Variants in UFSP2 observed in about 807,000 individuals in gnomAD.
UFSP2 encodes the protein ufm1-specific protease 2.
UFSP2 carries 43 observed loss-of-function variants against 60.2 expected under a neutral mutation model. That is an observed-to-expected ratio of 0.71 (90% confidence interval 0.56 to 0.92). UFSP2 has a LOEUF of 0.92. UFSP2 is among the 40% of genes least tolerant of loss of function. The pLI is 0.00. For synonymous variants in UFSP2, 183 were observed against 195.1 expected (o/e 0.94, Z 0.52); for missense variants, 520 against 575.0 (o/e 0.90, Z 0.98).
chr4:185,425,810 C>T, intron 1 of UFSP2, 56 bp downstream of exon 1: 2 of 1,583,166 alleles, frequency 1.3e-6, no homozygotes, highest in South Asian at 2.3e-5. Flanking sequence ...CCGCTCGTGG[C>T]GGCTGCCAAA....
At chr4:185,406,463 G>A (rs1055274277) in intron 9 of UFSP2, among the ~76,000 whole-genome samples, 1 of 152,148 alleles carries the variant, frequency 6.6e-6, no homozygotes, top group Non-Finnish European at 1.5e-5. Flanking sequence ...TTGGGGGAAG[G>A]TGCCCGGTGG....
At chr4:185,416,012 G>T in intron 4 of UFSP2, 145 bp from the exon 5 acceptor site, 1 of 600,268 alleles carries the variant, frequency 1.7e-6, no homozygotes, top group Non-Finnish European at 2.7e-6. Flanking sequence ...GGGGGAAAGA[G>T]TAGAGAACAA....
At position 185,399,816 on chromosome 4, in the gene UFSP2, C is replaced by T. The variant is rs201136869; in HGVS notation, c.*576G>A. ...GCTGCTTTTTTCCTCCCGCAGTGAT[C>T]TCTTGTTTGCATAGCATTTATTATT... On this transcript the variant is annotated 3_prime_UTR_variant, in exon 12 of 12. Transcript: ENST00000264689. 9 of 1,610,334 alleles carry T rather than the reference C, an allele frequency of 5.6e-6. No individual in the cohort carries two copies. In the East Asian group the frequency reaches 2.0e-4, roughly 36 times the overall value.
intron 11 of UFSP2, among the ~76,000 whole-genome samples, chr4:185,401,941 C>T (rs899881894): frequency 6.6e-6 from 1 of 152,130 alleles, no homozygotes; most frequent in African/African-American, 2.4e-5. Context: ...AATCGAAATG[C>T]CTGGTTCACA....
In UFSP2 at chr4:185,408,010, T is replaced by C; in HGVS notation, c.1047A>G (p.Gln349=). 1.2e-6 allele frequency: 2 copies of C among 1,614,114 alleles called. No homozygotes were observed. Among genetic ancestry groups the C allele is most frequent in the East Asian group, 2.2e-5 (1 of 44,876 alleles). Residue 349 remains glutamine (Q), a synonymous_variant, in exon 9 of 12, where the codon CAA becomes CAG. Transcript: ENST00000264689. ...DKPATFVGSR[Q]WIGSIEVQLV... ...GCTGCACCTCAATAGATCCAATCCA[T>C]TGCCGCGATCCGACAAATGTTGCTG...
intron 9 of UFSP2, among the ~76,000 whole-genome samples, chr4:185,406,696 C>A (rs769715543): frequency 6.6e-6 from 1 of 152,128 alleles, no homozygotes; most frequent in African/African-American, 2.4e-5. Flanking sequence ...CTTCCTCAGC[C>A]TCCTGAGTAG....
At chr4:185,404,794 C>G (rs1373224814) in intron 10 of UFSP2, among the ~76,000 whole-genome samples, 1 of 151,934 alleles carries the variant, frequency 6.6e-6, no homozygotes, top group Non-Finnish European at 1.5e-5. Flanking sequence ...CCATGTTGGC[C>G]AGGCTGGTCT....
In UFSP2 at chr4:185,400,128, C is replaced by G; in HGVS notation, c.*264G>C. On this transcript the variant is annotated 3_prime_UTR_variant, in exon 12 of 12. Transcript: ENST00000264689. Reference sequence around the variant, plus strand: ...GTGTCTAATCTCCTTCTGAGAAGGACGAAAAACTTTCTTCCAAGTGAAGAT... The same window carrying G: ...GTGTCTAATCTCCTTCTGAGAAGGAGGAAAAACTTTCTTCCAAGTGAAGAT... 9.6e-7 allele frequency: 1 copy of G among 1,040,028 alleles called. No homozygotes were observed. Among genetic ancestry groups the G allele is most frequent in the South Asian group, 1.5e-5 (1 of 66,418 alleles). 64.4% of individuals were successfully genotyped at this position (1,040,028 alleles called of 1,614,324 possible).
At chr4:185,416,572 C>T (rs1360408166) in intron 4 of UFSP2, among the ~76,000 whole-genome samples, 1 of 152,008 alleles carries the variant, frequency 6.6e-6, no homozygotes. Flanking sequence ...CTGGAGGTAT[C>T]AATGTGATTT....
chr4:185,418,697 C>T lies in UFSP2; in HGVS notation c.156G>A (p.Val52=), dbSNP rs1393550752. 3 of 1,613,820 alleles carry T rather than the reference C, an allele frequency of 1.9e-6. No homozygotes were observed. The highest frequency in any genetic ancestry group is 1.7e-5 in the Admixed American group (1 of 59,964). ...LSTKLSSNAL[V]FRICHSSVYI... ...ACACTGAACTGTGGCAAATTCTGAA[C>T]ACAAGGGCGTTTGAAGACAGCTTAG... The change falls in exon 3 of 12, where the codon GTG becomes GTA. Residue 52 remains valine, a synonymous_variant. Coordinates refer to ENST00000264689, the MANE Select transcript of UFSP2 (RefSeq NM_018359.5).
At chr4:185,422,953 G>A (rs1038362346) in intron 1 of UFSP2, among the ~76,000 whole-genome samples, 2 of 152,240 alleles carry the variant, frequency 1.3e-5, no homozygotes, top group East Asian at 3.9e-4. Flanking sequence ...CCGCCTCCTG[G>A]GTGTAAGAGA....
At chr4:185,404,282 CCATT>C (rs947033179) in intron 10 of UFSP2, among the ~76,000 whole-genome samples, 3 of 147,444 alleles carry the variant, frequency 2.0e-5, no homozygotes, top group Admixed American at 7.1e-5. Flanking sequence ...ATATAGCACT[CCATT>C]CATTAAGTTT....
intron 7 of UFSP2, among the ~76,000 whole-genome samples, chr4:185,413,416 G>A (rs1328857692): frequency 2.6e-5 from 4 of 152,030 alleles, no homozygotes. Flanking sequence ...TTATCCTACA[G>A]TGTGGTTTGG....
rs774158390 is a variant in UFSP2, at chr4:185,403,585, A to C, written c.1232T>G (p.Val411Gly). 1 of 1,614,010 alleles carries C rather than the reference A, an allele frequency of 6.2e-7. No homozygotes were observed. Among genetic ancestry groups the C allele is most frequent in the South Asian group, 1.1e-5 (1 of 91,066 alleles). The stretch of plus-strand genomic sequence containing the variant: ...CTGCCCTGTAATCTCATTCCATGCA[A>C]CTCCTAGTATTGTGTGGGCCAAAAC... Reference protein sequence around the residue: ...GGVLAHTILGVAWNEITGQIK... With the variant: ...GGVLAHTILGGAWNEITGQIK... Residue 411 changes from valine to glycine, a missense_variant, in exon 11 of 12, where the codon GTT (valine) becomes GGT (glycine). Coordinates refer to ENST00000264689, the MANE Select transcript of UFSP2 (RefSeq NM_018359.5).
intron 7 of UFSP2, among the ~76,000 whole-genome samples, chr4:185,411,106 A>T (rs563771314): frequency 1.8e-4 from 28 of 151,702 alleles, no homozygotes; most frequent in African/African-American, 6.7e-4. Flanking sequence ...AGAGGGGGCC[A>T]ACAAAGCCAA....
At chr4:185,422,148 T>C (rs1209994936) in intron 2 of UFSP2, among the ~76,000 whole-genome samples, 1 of 152,240 alleles carries the variant, frequency 6.6e-6, no homozygotes, top group Non-Finnish European at 1.5e-5. Context: ...AGACTCAGGA[T>C]TGTACATACA....
chr4:185,422,624 T>C, intron 1 of UFSP2, 61 bp from the exon 2 acceptor site: 1 of 1,119,540 alleles, frequency 8.9e-7, no homozygotes, highest in Non-Finnish European at 1.3e-6. Flanking sequence ...CATATTCATA[T>C]AAATTAGAAT....
chr4:185,421,361 T>C (rs1305740696), intron 2 of UFSP2, among the ~76,000 whole-genome samples: 2 of 152,338 alleles, frequency 1.3e-5, no homozygotes, highest in African/African-American at 2.4e-5. Context: ...AATTTCATGT[T>C]GAAATGTGAT....
At chr4:185,412,364 G>A (rs897718635) in intron 7 of UFSP2, among the ~76,000 whole-genome samples, 1 of 152,136 alleles carries the variant, frequency 6.6e-6, no homozygotes. Context: ...CTGCTGCCCT[G>A]AGTACACTCT....
Sources: gnomAD v4.1 joint callset for allele counts (sites outside exome capture counted in the v4.1 genomes callset) on GRCh38, gnomAD v4.1.1 for gene constraint, MANE v1.5 for transcripts, NCBI Gene and HGNC (gene_info 2026-07-23, HGNC 2026-07-21) for gene names.